The following MYO10 variants were observed in gnomAD, a reference collection of about 807,000 sequenced individuals.
The protein encoded by MYO10 is myosin X.
Under a neutral mutation model 257.3 loss-of-function variants are expected in MYO10, and 133 were observed. The ratio of observed to expected loss-of-function variants is 0.52; its 90% CI spans 0.45 to 0.60. The LOEUF (loss-of-function observed/expected upper bound fraction) is 0.60, where lower values mean the gene tolerates loss of function less well. Among genes scored for constraint, MYO10 ranks in the 20% least tolerant of loss-of-function variants. MYO10 has a pLI of 0.00. For missense variants in MYO10, 2,399 were observed against 2,635.7 expected, an observed-to-expected ratio of 0.91 and a Z score of 1.97; for synonymous variants, 1,104 against 1,028.6, an observed-to-expected ratio of 1.07 and a Z score of -1.40.
chr5:16,746,328 G>A (rs1008801026), intron 19 of MYO10, among the ~76,000 whole-genome samples: 3 of 152,138 alleles, frequency 2.0e-5, no homozygotes, highest in Admixed American at 2.0e-4. Flanking sequence ...TTTATGACCT[G>A]TATTTTGTGC....
chr5:16,823,158 C>T (rs1007923825), intron 2 of MYO10, among the ~76,000 whole-genome samples: 1 of 149,948 alleles, frequency 6.7e-6, no homozygotes, highest in African/African-American at 2.4e-5. Context: ...AATGGCATTA[C>T]TGGCTGGGCT....
At chr5:16,932,562 CA>C (rs1320114321) in intron 1 of MYO10, among the ~76,000 whole-genome samples, 2 of 152,124 alleles carry the variant, frequency 1.3e-5, no homozygotes, top group Non-Finnish European at 2.9e-5. Flanking sequence ...GCTGAAAAAA[CA>C]AGCTTCCCCA....
rs1208845792 is a variant in MYO10, at chr5:16,761,524, A to G, written c.1679T>C (p.Ile560Thr). ...AGEVQYDVRG[I>T]LEKNRDTFRD... is the part of the protein sequence containing the mutation. ...AAATGTATCTCTGTTCTTCTCCAAG[A>G]TACCTCGGACATCATATTGCACCTA... is the stretch of plus-strand genomic sequence containing the variant. The change falls in exon 17 of 41, where the codon ATC becomes ACC. Residue 560 changes from isoleucine (I) to threonine (T), a missense_variant. Coordinates refer to ENST00000513610, the MANE Select transcript of MYO10 (RefSeq NM_012334.3). 6.2e-7 allele frequency: 1 copy of G among 1,613,454 alleles called. No homozygotes were observed. Among genetic ancestry groups the G allele is most frequent in the Admixed American group, 1.7e-5 (1 of 60,014 alleles).
At chr5:16,777,284 A>G (rs1486667205) in intron 9 of MYO10, among the ~76,000 whole-genome samples, 1 of 152,210 alleles carries the variant, frequency 6.6e-6, no homozygotes, top group Non-Finnish European at 1.5e-5. Flanking sequence ...ACCGCTCTGC[A>G]TTATAAATGG....
chr5:16,804,634 A>T (rs1305507344), intron 3 of MYO10, among the ~76,000 whole-genome samples: 1 of 152,232 alleles, frequency 6.6e-6, no homozygotes, highest in Non-Finnish European at 1.5e-5. Context: ...GCACTTTGGG[A>T]AGCTGAGGCA....
intron 19 of MYO10, among the ~76,000 whole-genome samples, chr5:16,720,010 GTGTGTGTGTGTGTA>G (rs937148587): frequency 1.0e-4 from 15 of 150,124 alleles, no homozygotes; most frequent in African/African-American, 3.8e-4. Flanking sequence ...GTGTGTGTGT[GTGTGTGTGTGTGTA>G]TATGTATGTA....
At chr5:16,833,070 C>T (rs1030586587) in intron 2 of MYO10, among the ~76,000 whole-genome samples, 6 of 152,192 alleles carry the variant, frequency 3.9e-5, no homozygotes, top group African/African-American at 1.4e-4. Context: ...TCAACCCAGA[C>T]CTCTACAACT....
Position 16,837,746 on chromosome 5 carries a change from G to T in MYO10, c.121-19579C>A, listed in dbSNP as rs78867111. Among the ~76,000 whole-genome samples, 1,145 of 152,210 alleles carry T rather than the reference G, an allele frequency of 7.5e-3. 17 individuals are homozygous for T. The highest frequency in any genetic ancestry group is 0.026 in the African/African-American group (1,087 of 41,540). Reference sequence around the variant, plus strand: ...GGTGCCTTTCCCTCACTGGCAAACTGAGCCCACCTCAAATACAGGCACACC... The same window carrying T: ...GGTGCCTTTCCCTCACTGGCAAACTTAGCCCACCTCAAATACAGGCACACC... On this transcript the variant is annotated intron_variant, in intron 2 of 40. Transcript: ENST00000513610.
chr5:16,910,980 G>A (rs980201516), intron 1 of MYO10, among the ~76,000 whole-genome samples: 9 of 152,034 alleles, frequency 5.9e-5, no homozygotes, highest in South Asian at 2.1e-4. Context: ...TTAAGTAAAC[G>A]TTTAAAATAG....
intron 19 of MYO10, among the ~76,000 whole-genome samples, chr5:16,722,332 C>A (rs1308806344): frequency 1.3e-5 from 2 of 152,208 alleles, no homozygotes; most frequent in East Asian, 1.9e-4. Flanking sequence ...CTATGAATGT[C>A]TGAGTTCACT....
Position 16,713,918 on chromosome 5 carries a change from C to A in MYO10, c.1930-2673G>T, listed in dbSNP as rs539130387. ...CCAACAAAGACTGCCTGCAGTGTAC[C>A]GACAGGGAAGTCTCGATGGCGACAA... On this transcript the variant is annotated intron_variant, in intron 19 of 40. Transcript: ENST00000513610. Among the ~76,000 whole-genome samples, 3 of 152,072 alleles carry A rather than the reference C, an allele frequency of 2.0e-5. No homozygotes were observed. In the South Asian group the frequency reaches 6.2e-4, roughly 32 times the overall value.
intron 21 of MYO10, among the ~76,000 whole-genome samples, chr5:16,705,266 G>A (rs1383191412): frequency 1.3e-5 from 2 of 152,164 alleles, no homozygotes; most frequent in African/African-American, 4.8e-5. Context: ...TGAAAACTGA[G>A]TTTAAAATGA....
intron 4 of MYO10, among the ~76,000 whole-genome samples, chr5:16,789,854 C>A (rs1275920286): frequency 6.6e-6 from 1 of 152,140 alleles, no homozygotes; most frequent in African/African-American, 2.4e-5. Context: ...ATGTTTGTTG[C>A]CAATAGCTAA....
intron 2 of MYO10, among the ~76,000 whole-genome samples, chr5:16,836,567 A>G (rs185669679): frequency 3.3e-5 from 5 of 152,328 alleles, no homozygotes; most frequent in Admixed American, 3.3e-4. Context: ...AGGGGTATAC[A>G]GCCCCCACCT....
At chr5:16,678,967 G>A (rs376890601) in intron 33 of MYO10, among the ~76,000 whole-genome samples, 6 of 152,190 alleles carry the variant, frequency 3.9e-5, no homozygotes, top group East Asian at 1.9e-4. Flanking sequence ...CCCCGTCACC[G>A]TTCCATTTCC....
At chr5:16,697,485 A>AG (rs1737806371) in intron 26 of MYO10, among the ~76,000 whole-genome samples, 1 of 152,136 alleles carries the variant, frequency 6.6e-6, no homozygotes, top group Non-Finnish European at 1.5e-5. Context: ...GCAGATCACA[A>AG]GGTTAGGAGT....
chr5:16,775,778 T>G (rs975870195), intron 9 of MYO10, among the ~76,000 whole-genome samples: 1 of 152,144 alleles, frequency 6.6e-6, no homozygotes, highest in African/African-American at 2.4e-5. Flanking sequence ...AATTTTTGTA[T>G]TTTTAGTACA....
chr5:16,721,667 A>C (rs535121592), intron 19 of MYO10, among the ~76,000 whole-genome samples: 2 of 152,306 alleles, frequency 1.3e-5, no homozygotes, highest in South Asian at 4.1e-4. Context: ...CTCACCAAGT[A>C]CAACCTTCAA....
At chr5:16,706,993 G>A (rs1370869969) in intron 21 of MYO10, among the ~76,000 whole-genome samples, 1 of 152,144 alleles carries the variant, frequency 6.6e-6, no homozygotes, top group Non-Finnish European at 1.5e-5. Context: ...TATGTGTCAT[G>A]GGAGGGACCT....
Sources: gnomAD v4.1 joint callset for allele counts (sites outside exome capture counted in the v4.1 genomes callset) on GRCh38, gnomAD v4.1.1 for gene constraint, MANE v1.5 for transcripts, NCBI Gene and HGNC (gene_info 2026-07-23, HGNC 2026-07-21) for gene names.